WWC2: variants seen among roughly 807,000 people sequenced by gnomAD.
WWC2 encodes the protein WW and C2 domain containing 2.
WWC2 carries 101 observed loss-of-function variants against 138.5 expected under a neutral mutation model. The observed-to-expected ratio is 0.73, with a 90% CI of 0.62 to 0.86. WWC2 has a LOEUF of 0.86. WWC2 is among the 40% of genes least tolerant of loss of function. WWC2 has a pLI of 0.00. For synonymous variants in WWC2, 558 were observed against 538.4 expected, an observed-to-expected ratio of 1.04 and a Z score of -0.50; for missense variants, 1,420 against 1,419.4, an observed-to-expected ratio of 1.00 and a Z score of -0.01.
intron 22 of WWC2, 79 bp downstream of exon 22, chr4:183,312,547 A>T (rs1739292765): frequency 6.3e-7 from 1 of 1,584,934 alleles, no homozygotes; most frequent in African/African-American, 1.3e-5. Flanking sequence ...CAGTGCAGTG[A>T]AAGTTAATAT....
At chr4:183,285,479 T>G (rs1390519000) in intron 19 of WWC2, among the ~76,000 whole-genome samples, 2 of 152,214 alleles carry the variant, frequency 1.3e-5, no homozygotes, top group African/African-American at 4.8e-5. Context: ...TTCAGATTAT[T>G]TGCAGGCACA....
intron 1 of WWC2, among the ~76,000 whole-genome samples, chr4:183,134,776 T>C (rs1733057057): frequency 6.6e-6 from 1 of 152,210 alleles, no homozygotes; most frequent in Non-Finnish European, 1.5e-5. Context: ...GTAATAACTT[T>C]TATTTCTAAA....
intron 1 of WWC2, among the ~76,000 whole-genome samples, chr4:183,137,415 TCAAA>T (rs1561431682): frequency 1.3e-5 from 2 of 152,118 alleles, no homozygotes; most frequent in African/African-American, 2.4e-5. Context: ...TGTTAACAGC[TCAAA>T]CAAACACACA....
chr4:183,268,719 G>A (rs2111375919), intron 14 of WWC2, among the ~76,000 whole-genome samples: 1 of 152,232 alleles, frequency 6.6e-6, no homozygotes, highest in East Asian at 1.9e-4. Context: ...TTCCTATCAT[G>A]TGCCTTTGCT....
At chr4:183,274,531 A>T (rs1422438230) in intron 16 of WWC2, among the ~76,000 whole-genome samples, 2 of 152,076 alleles carry the variant, frequency 1.3e-5, no homozygotes, top group Non-Finnish European at 2.9e-5. Context: ...GAGCATGAAA[A>T]CCTAATCATC....
Position 183,118,969 on chromosome 4 carries a change from T to G in WWC2, c.131+19347T>G, listed in dbSNP as rs936044. 1.2e-4 allele frequency among the ~76,000 whole-genome samples: 18 copies of G among 152,028 alleles called. No individual in the cohort carries two copies. In the East Asian group the frequency reaches 1.4e-3, roughly 11 times the overall value. On this transcript the variant is annotated intron_variant, in intron 1 of 22. Coordinates refer to ENST00000403733, the MANE Select transcript of WWC2 (RefSeq NM_024949.6). The stretch of plus-strand genomic sequence containing the variant: ...TCATCCTCCCCTGACAACACTTTAC[T>G]TCATTCTTAAAGACTCCTTTTGTCC...
chr4:183,235,627 C>T (rs1736398557), intron 4 of WWC2, among the ~76,000 whole-genome samples: 1 of 152,170 alleles, frequency 6.6e-6, no homozygotes. Flanking sequence ...GGCACAATGT[C>T]CTCAAGGTTC....
chr4:183,138,636 G>A (rs1409720373), intron 1 of WWC2, among the ~76,000 whole-genome samples: 6 of 152,116 alleles, frequency 3.9e-5, no homozygotes, highest in Non-Finnish European at 5.9e-5. Context: ...TGACTCCTGC[G>A]CAAAGTCATT....
intron 1 of WWC2, among the ~76,000 whole-genome samples, chr4:183,124,101 GGTT>G (rs1732686510): frequency 6.6e-6 from 1 of 152,112 alleles, no homozygotes; most frequent in African/African-American, 2.4e-5. Flanking sequence ...TCTGGGAAGG[GGTT>G]GTTCTTCTAG....
At chr4:183,286,283 A>C (rs954981469) in intron 20 of WWC2, among the ~76,000 whole-genome samples, 2 of 152,162 alleles carry the variant, frequency 1.3e-5, no homozygotes, top group Non-Finnish European at 2.9e-5. Flanking sequence ...GTGATGGTTA[A>C]GGCTGGAAAT....
chr4:183,292,908 GATTGTAC>G (rs1738505964), intron 21 of WWC2, among the ~76,000 whole-genome samples: 1 of 152,204 alleles, frequency 6.6e-6, no homozygotes, highest in Non-Finnish European at 1.5e-5. Context: ...GTATTAAAAA[GATTGTAC>G]ATGTTGACTA....
chr4:183,107,914 T>C (rs1732091190), intron 1 of WWC2, among the ~76,000 whole-genome samples: 2 of 152,072 alleles, frequency 1.3e-5, no homozygotes, highest in Non-Finnish European at 2.9e-5. Flanking sequence ...ATCTGTTAAA[T>C]TTTCTCTATA....
At chr4:183,247,648 C>G (rs182359739) in intron 6 of WWC2, among the ~76,000 whole-genome samples, 1,505 of 128,546 alleles carry the variant, frequency 0.012, 13 homozygotes, top group Non-Finnish European at 0.018. Context: ...ACTATATATA[C>G]TATATACTAT....
At chr4:183,144,713 C>A (rs1454717644) in intron 1 of WWC2, among the ~76,000 whole-genome samples, 1 of 152,154 alleles carries the variant, frequency 6.6e-6, no homozygotes, top group African/African-American at 2.4e-5. Context: ...GTTCTGGGTT[C>A]AGTAGTTTTC....
In WWC2 at chr4:183,315,819, G is replaced by C; in HGVS notation, c.*90G>C. 1 of 1,023,968 alleles carries C rather than the reference G, an allele frequency of 9.8e-7. No homozygotes were observed. The highest frequency in any genetic ancestry group is 2.7e-5 in the East Asian group (1 of 37,274). The allele number at this position is 1,023,968 out of a possible 1,614,324, so 63.4% of individuals were successfully genotyped here. On this transcript the variant is annotated 3_prime_UTR_variant, in exon 23 of 23. Coordinates refer to ENST00000403733, the MANE Select transcript of WWC2 (RefSeq NM_024949.6). ...ATTTGTGTTTTTGTTTTGGTGTTTG[G>C]TTTTTTTTGGTAACGTAACTGTCAA...
chr4:183,277,960 A>G (rs1405655627), intron 16 of WWC2, among the ~76,000 whole-genome samples: 32 of 151,100 alleles, frequency 2.1e-4, no homozygotes, highest in Admixed American at 3.3e-4. Context: ...TTCTTTTGCT[A>G]TGCAGAAGCT....
chr4:183,294,576 G>A (rs1273713472), intron 21 of WWC2, among the ~76,000 whole-genome samples: 2 of 152,222 alleles, frequency 1.3e-5, no homozygotes. Context: ...AAGACAGTGT[G>A]GCAGTAGTAT....
intron 1 of WWC2, among the ~76,000 whole-genome samples, chr4:183,144,535 G>A (rs1306625442): frequency 6.6e-6 from 1 of 152,012 alleles, no homozygotes; most frequent in African/African-American, 2.4e-5. Context: ...AAACTGCTTG[G>A]CATTTCATAA....
intron 2 of WWC2, among the ~76,000 whole-genome samples, chr4:183,200,359 CTTATAATTA>C (rs1560839446): frequency 6.6e-6 from 1 of 152,094 alleles, no homozygotes; most frequent in African/African-American, 2.4e-5. Flanking sequence ...GAGTACATAT[CTTATAATTA>C]TTATAACTTA....
Sources: allele counts gnomAD v4.1 joint callset (sites outside exome capture counted in the v4.1 genomes callset), GRCh38; gene constraint gnomAD v4.1.1; transcripts MANE v1.5; gene names NCBI Gene and HGNC (gene_info 2026-07-23, HGNC 2026-07-21).